Variants in RBFOX3 observed in about 807,000 individuals in gnomAD.
The protein encoded by RBFOX3 is RNA binding protein fox-1 homolog 3.
In RBFOX3, 17 loss-of-function variants were observed where a neutral mutation model predicts 48.7. That is an observed-to-expected ratio of 0.35 (90% CI 0.24 to 0.52). The LOEUF is 0.52. Ranked by LOEUF, RBFOX3 falls within the 20% of genes least tolerant of loss-of-function variation. The pLI is 0.94. For missense variants in RBFOX3, 382 were observed against 497.5 expected, an observed-to-expected ratio of 0.77 and a Z score of 2.21; for synonymous variants, 212 against 209.5, an observed-to-expected ratio of 1.01 and a Z score of -0.10.
chr17:79,195,893 G>A lies in RBFOX3; in HGVS notation c.-34+39873C>T, dbSNP rs1367477696. On this transcript the variant is annotated intron_variant, in intron 4 of 14. Coordinates refer to ENST00000693108, the MANE Select transcript of RBFOX3 (RefSeq NM_001350451.2). The surrounding 1 kb of genome is among the most constrained non-coding windows in gnomAD (Gnocchi z 5.3). Reference sequence around the variant, plus strand: ...GGTGAGCTTATTGATTTTTCTCTCCGAGGTAGAAGGAGAGGCCTCGGAAAT... The same window carrying A: ...GGTGAGCTTATTGATTTTTCTCTCCAAGGTAGAAGGAGAGGCCTCGGAAAT... Among the ~76,000 whole-genome samples, 1 of 152,150 alleles carries A rather than the reference G, an allele frequency of 6.6e-6. No individual in the cohort carries two copies. Among genetic ancestry groups the A allele is most frequent in the African/African-American group, 2.4e-5 (1 of 41,434 alleles).
At chr17:79,202,390 T>C (rs1274369970) in intron 4 of RBFOX3, among the ~76,000 whole-genome samples, 2 of 152,132 alleles carry the variant, frequency 1.3e-5, no homozygotes, top group Admixed American at 1.3e-4. Flanking sequence ...AAGCCCCCTC[T>C]GTGCTCACGG....
At position 79,160,646 on chromosome 17, in the gene RBFOX3, T is replaced by A. The variant is rs547930771; in HGVS notation, c.-33-44898A>T. On this transcript the variant is annotated intron_variant, in intron 4 of 14. Coordinates refer to ENST00000693108, the MANE Select transcript of RBFOX3 (RefSeq NM_001350451.2). ...GAGAAGGGACAGCAGGACTTGGGAT[T>A]CCCCCATTCATTCATTCATTCATTC... 1.6e-4 allele frequency among the ~76,000 whole-genome samples: 24 copies of A among 151,964 alleles called. No individual in the cohort carries two copies. In the East Asian group the frequency reaches 4.4e-3, roughly 28 times the overall value.
At chr17:79,245,520 C>T (rs1034625126) in intron 3 of RBFOX3, among the ~76,000 whole-genome samples, 2 of 152,120 alleles carry the variant, frequency 1.3e-5, no homozygotes, top group Non-Finnish European at 2.9e-5. Context: ...TCACACTGTT[C>T]ACCCATTCCC....
the RBFOX3 span, among the ~76,000 whole-genome samples, chr17:79,654,280 C>A: frequency 2.0e-5 from 3 of 152,174 alleles, no homozygotes; most frequent in Non-Finnish European, 4.4e-5. Context: ...GACTCTCCAG[C>A]CCCTGAGCCC....
chr17:79,284,956 C>A (rs1567976265), intron 3 of RBFOX3, among the ~76,000 whole-genome samples: 3 of 152,178 alleles, frequency 2.0e-5, no homozygotes, highest in African/African-American at 7.2e-5. Flanking sequence ...AGGGCAGACA[C>A]AGAAGTAGAC....
chr17:79,464,677 A>G (rs1239391941), intron 2 of RBFOX3, among the ~76,000 whole-genome samples: 1 of 152,206 alleles, frequency 6.6e-6, no homozygotes, highest in African/African-American at 2.4e-5. Context: ...AAAGAAGGAG[A>G]ATACATTTCT....
At chr17:79,159,201 G>A (rs1305086441) in intron 4 of RBFOX3, among the ~76,000 whole-genome samples, 1 of 152,196 alleles carries the variant, frequency 6.6e-6, no homozygotes, top group Admixed American at 6.5e-5. Flanking sequence ...CTGACTCAAT[G>A]CCCAGCACCA....
At chr17:79,558,512 C>A (rs2091944629) in intron 1 of RBFOX3, among the ~76,000 whole-genome samples, 2 of 152,100 alleles carry the variant, frequency 1.3e-5, no homozygotes, top group South Asian at 2.1e-4. Context: ...AGGGCCCACA[C>A]TTCCCGGCTG....
intron 1 of RBFOX3, among the ~76,000 whole-genome samples, chr17:79,493,898 A>C (rs1555773889): frequency 6.6e-6 from 1 of 152,146 alleles, no homozygotes; most frequent in African/African-American, 2.4e-5. Flanking sequence ...CTCTGGAGGA[A>C]AACATAGCTG....
intron 3 of RBFOX3, among the ~76,000 whole-genome samples, chr17:79,253,113 G>A (rs892200218): frequency 6.6e-6 from 1 of 152,114 alleles, no homozygotes; most frequent in East Asian, 1.9e-4. Flanking sequence ...TCTTCTTTCA[G>A]CCCAAGTAGA....
At chr17:79,236,083 G>A (rs1021170426) in intron 3 of RBFOX3, among the ~76,000 whole-genome samples, 2 of 152,150 alleles carry the variant, frequency 1.3e-5, no homozygotes, top group Admixed American at 6.5e-5. Context: ...TTTTCTCTGC[G>A]ACTCTGGATG....
At chr17:79,571,634 G>T (rs1425315114) in intron 1 of RBFOX3, among the ~76,000 whole-genome samples, 1 of 151,356 alleles carries the variant, frequency 6.6e-6, no homozygotes, top group African/African-American at 2.4e-5. Flanking sequence ...GTGATCTACA[G>T]TTTTAATTAA....
intron 14 of RBFOX3, among the ~76,000 whole-genome samples, chr17:79,093,321 G>A (rs1404645565): frequency 6.6e-6 from 1 of 152,042 alleles, no homozygotes; most frequent in African/African-American, 2.4e-5. Flanking sequence ...CACAGCAAGT[G>A]CAAGAGAAGA....
Position 79,375,160 on chromosome 17 carries a change from C to T in RBFOX3, c.-174-67336G>A, listed in dbSNP as rs533638080. On this transcript the variant is annotated intron_variant, in intron 2 of 14. Coordinates refer to ENST00000693108, the MANE Select transcript of RBFOX3 (RefSeq NM_001350451.2). ...GCAGGAACACGGTCCTCCTAAATCC[C>T]GTCATTTGGTCAAGACAAGTTTCCT... is the stretch of plus-strand genomic sequence containing the variant. Among the ~76,000 whole-genome samples the T allele has an allele frequency of 8.5e-5, 13 of 152,314 alleles. No individual in the cohort carries two copies. The South Asian group carries it at 2.7e-3, about 32-fold the overall frequency.
At chr17:79,182,400 G>A (rs2052230015) in intron 4 of RBFOX3, among the ~76,000 whole-genome samples, 1 of 152,222 alleles carries the variant, frequency 6.6e-6, no homozygotes, top group Non-Finnish European at 1.5e-5. Flanking sequence ...CCCGGGCCAG[G>A]CTGGCGCCGG....
the RBFOX3 span, among the ~76,000 whole-genome samples, chr17:79,648,523 G>A: frequency 6.6e-6 from 1 of 152,220 alleles, no homozygotes; most frequent in Admixed American, 6.5e-5. Context: ...CCTGAAGCAT[G>A]TCCAGCAAGC....
At chr17:79,451,342 AG>A (rs1463550474) in intron 2 of RBFOX3, among the ~76,000 whole-genome samples, 1 of 152,218 alleles carries the variant, frequency 6.6e-6, no homozygotes, top group Non-Finnish European at 1.5e-5. Context: ...TGACAATCAC[AG>A]GCAAAGACGT....
At chr17:79,637,155 C>G in the RBFOX3 span, among the ~76,000 whole-genome samples, 9 of 152,032 alleles carry the variant, frequency 5.9e-5, no homozygotes, top group Non-Finnish European at 1.2e-4. Flanking sequence ...ATATATAAAG[C>G]AAACATTGAA....
At chr17:79,626,717 CT>C in the RBFOX3 span, among the ~76,000 whole-genome samples, 1 of 152,250 alleles carries the variant, frequency 6.6e-6, no homozygotes. Flanking sequence ...CCCCCCATCT[CT>C]ACCGCATGTT....
Sources: gnomAD v4.1 joint callset for allele counts (sites outside exome capture counted in the v4.1 genomes callset) on GRCh38, gnomAD v4.1.1 for gene constraint, Gnocchi (gnomAD v3.1) non-coding constraint, MANE v1.5 for transcripts, NCBI Gene and HGNC (gene_info 2026-07-23, HGNC 2026-07-21) for gene names.